The following RORA variants were observed in gnomAD, a reference collection of about 807,000 sequenced individuals.
RORA encodes RAR related orphan receptor A, also known as nuclear receptor ROR-alpha.
A neutral mutation model predicts 69.5 loss-of-function variants in RORA; 7 were observed. The observed-to-expected ratio is 0.10, with a 90% CI of 0.06 to 0.19. The LOEUF (loss-of-function observed/expected upper bound fraction) is 0.19. Among genes scored for constraint, RORA ranks in the 10% least tolerant of loss-of-function variants. RORA has a pLI of 1.00. For missense variants in RORA, 457 were observed against 663.0 expected, an observed-to-expected ratio of 0.69 and a Z score of 3.41; for synonymous variants, 261 against 240.8, an observed-to-expected ratio of 1.08 and a Z score of -0.78.
chr15:60,805,650 T>A (rs181259602), intron 1 of RORA, among the ~76,000 whole-genome samples: 1 of 152,334 alleles, frequency 6.6e-6, no homozygotes, highest in East Asian at 1.9e-4. Flanking sequence ...TAATATATTG[T>A]ATCATTGATA....
chr15:60,780,865 G>A (rs1470922140), intron 1 of RORA, among the ~76,000 whole-genome samples: 2 of 152,186 alleles, frequency 1.3e-5, no homozygotes, highest in Non-Finnish European at 2.9e-5. Context: ...GACAACCAAA[G>A]AGAAAAAGCA....
At chr15:60,970,836 C>T (rs1376296188) in intron 1 of RORA, among the ~76,000 whole-genome samples, 1 of 151,932 alleles carries the variant, frequency 6.6e-6, no homozygotes, top group African/African-American at 2.4e-5. Flanking sequence ...AAGAAAATCA[C>T]ACTCTAAAAT....
chr15:60,551,213 C>T (rs2067219053), intron 2 of RORA, among the ~76,000 whole-genome samples: 1 of 151,870 alleles, frequency 6.6e-6, no homozygotes, highest in African/African-American at 2.4e-5. Flanking sequence ...GAGTAACGTC[C>T]CTTCCCTGTT....
chr15:60,526,306 T>C (rs770293919), intron 3 of RORA, among the ~76,000 whole-genome samples: 2 of 152,200 alleles, frequency 1.3e-5, no homozygotes, highest in Non-Finnish European at 2.9e-5. Flanking sequence ...TGCTTTGCCA[T>C]ACTCAGATCC....
At chr15:60,540,379 G>C (rs1006159140) in intron 2 of RORA, among the ~76,000 whole-genome samples, 1 of 151,948 alleles carries the variant, frequency 6.6e-6, no homozygotes, top group Non-Finnish European at 1.5e-5. Context: ...GAAAACATCA[G>C]AATTACACTT....
At chr15:60,634,772 C>T (rs1477320997) in intron 2 of RORA, among the ~76,000 whole-genome samples, 3 of 152,146 alleles carry the variant, frequency 2.0e-5, no homozygotes, top group Non-Finnish European at 4.4e-5. Context: ...TCCCCCTAGC[C>T]CCATTGAATA....
intron 1 of RORA, among the ~76,000 whole-genome samples, chr15:60,901,766 C>A (rs561527452): frequency 6.6e-6 from 1 of 152,324 alleles, no homozygotes; most frequent in South Asian, 2.1e-4. Context: ...TCCTGCTCCA[C>A]ACTGATTTTC....
chr15:60,545,040 G>A (rs10851684), intron 2 of RORA: 75,127 of 152,094 alleles, frequency 0.49, 22,681 homozygotes, highest in East Asian at 0.88. Flanking sequence ...GGTGGCTGGC[G>A]TCAGCTCAGT....
chr15:60,717,478 A>G (rs779768674), intron 1 of RORA, among the ~76,000 whole-genome samples: 1 of 152,206 alleles, frequency 6.6e-6, no homozygotes, highest in Non-Finnish European at 1.5e-5. Flanking sequence ...AGCTTGTAAT[A>G]CCTATAGCAT....
chr15:60,688,046 CATAAT>C (rs1382803234), intron 1 of RORA, among the ~76,000 whole-genome samples: 1 of 152,118 alleles, frequency 6.6e-6, no homozygotes, highest in African/African-American at 2.4e-5. Flanking sequence ...CAAGAGTTAT[CATAAT>C]ATTATTTATA....
At chr15:60,559,326 T>C (rs2140416645) in intron 2 of RORA, among the ~76,000 whole-genome samples, 1 of 152,334 alleles carries the variant, frequency 6.6e-6, no homozygotes, top group Middle Eastern at 3.4e-3. Context: ...CTTCCTTCTG[T>C]AGTCATATGC....
chr15:60,927,629 C>T (rs1013663064), intron 1 of RORA, among the ~76,000 whole-genome samples: 7 of 152,148 alleles, frequency 4.6e-5, no homozygotes, highest in African/African-American at 1.4e-4. Flanking sequence ...AAAAAATTAG[C>T]TGGGTGTGGT....
At chr15:60,717,796 C>CTTTTTTTTTTTTTTTTTTTTTT (rs10653856) in intron 1 of RORA, among the ~76,000 whole-genome samples, 2 of 91,974 alleles carry the variant, frequency 2.2e-5, no homozygotes, top group African/African-American at 8.5e-5. Context: ...TTCTTTTTCT[C>CTTTTTTTTTTTTTTTTTTTTTT]TTTTTTTTTT....
chr15:60,501,804 C>A (rs1170243228), intron 8 of RORA, among the ~76,000 whole-genome samples: 1 of 152,080 alleles, frequency 6.6e-6, no homozygotes, highest in Non-Finnish European at 1.5e-5. Context: ...GGTGTCTATT[C>A]CTTCAGATTT....
intron 2 of RORA, among the ~76,000 whole-genome samples, chr15:60,667,080 T>A (rs1010218305): frequency 1.3e-5 from 2 of 152,190 alleles, no homozygotes; most frequent in Non-Finnish European, 2.9e-5. Flanking sequence ...ATATACCTCA[T>A]CTCAGAGAAT....
At chr15:60,739,463 C>T (rs552742722) in intron 1 of RORA, among the ~76,000 whole-genome samples, 2 of 152,006 alleles carry the variant, frequency 1.3e-5, no homozygotes, top group South Asian at 2.1e-4. Context: ...TCCTGCTACT[C>T]GAGGGGCTGA....
intron 1 of RORA, among the ~76,000 whole-genome samples, chr15:60,767,864 T>C (rs1455494148): frequency 6.6e-6 from 1 of 152,206 alleles, no homozygotes; most frequent in East Asian, 1.9e-4. Flanking sequence ...TCTACTCAGG[T>C]GTCTCGTGGT....
intron 1 of RORA, among the ~76,000 whole-genome samples, chr15:61,059,988 G>GGAAGAGGAAGAAGAAGAA (rs2078155885): frequency 1.3e-4 from 11 of 85,940 alleles, no homozygotes; most frequent in African/African-American, 5.6e-4. Context: ...AAGAGGAAGA[G>GGAAGAGGAAGAAGAAGAA]GAAGAAGAAG....
intron 2 of RORA, among the ~76,000 whole-genome samples, chr15:60,651,606 T>A (rs1567141894): frequency 6.6e-6 from 1 of 152,140 alleles, no homozygotes; most frequent in East Asian, 1.9e-4. Context: ...TACATCCCTT[T>A]ACCCAACCGC....
Sources: gnomAD v4.1 joint callset for allele counts (sites outside exome capture counted in the v4.1 genomes callset) on GRCh38, gnomAD v4.1.1 for gene constraint, MANE v1.5 for transcripts, NCBI Gene and HGNC (gene_info 2026-07-23, HGNC 2026-07-21) for gene names.